C10orf90: variants seen among roughly 807,000 people sequenced by gnomAD.
The protein encoded by C10orf90 is (E2-independent) E3 ubiquitin-conjugating enzyme FATS.
A neutral mutation model predicts 62.5 loss-of-function variants in C10orf90; 56 were observed. The ratio of observed to expected loss-of-function variants is 0.90; its 90% CI spans 0.72 to 1.12. C10orf90 has a LOEUF of 1.12. Ranked by LOEUF, C10orf90 falls within the 50% of genes most tolerant of loss-of-function variation. C10orf90 has a pLI of 0.00. For synonymous variants in C10orf90, 386 were observed against 340.4 expected, an observed-to-expected ratio of 1.13 and a Z score of -1.47; for missense variants, 970 against 880.4, an observed-to-expected ratio of 1.10 and a Z score of -1.29.
At chr10:126,622,403 G>T (rs1845663441) in intron 2 of C10orf90, among the ~76,000 whole-genome samples, 1 of 152,086 alleles carries the variant, frequency 6.6e-6, no homozygotes, top group Admixed American at 6.6e-5. Context: ...CAGGTTCCAA[G>T]CCCAGGTACT....
intron 2 of C10orf90, among the ~76,000 whole-genome samples, chr10:126,587,724 A>T (rs1386093559): frequency 6.6e-6 from 1 of 152,244 alleles, no homozygotes; most frequent in Non-Finnish European, 1.5e-5. Flanking sequence ...TTTTGTAGAC[A>T]CTTATTAAAC....
At chr10:126,471,302 G>A (rs931087919) in intron 4 of C10orf90, among the ~76,000 whole-genome samples, 7 of 152,200 alleles carry the variant, frequency 4.6e-5, no homozygotes, top group Admixed American at 6.5e-5. Flanking sequence ...CATGGAGGGG[G>A]CCTTTCCTCG....
intron 4 of C10orf90, chr10:126,496,643 C>CT: frequency 7.1e-6 from 7 of 985,378 alleles, no homozygotes; most frequent in Non-Finnish European, 8.4e-6. Context: ...TTTAACTTTA[C>CT]TTTTCACAAC....
intron 2 of C10orf90, among the ~76,000 whole-genome samples, chr10:126,526,667 C>A (rs948019020): frequency 6.6e-6 from 1 of 152,154 alleles, no homozygotes; most frequent in Non-Finnish European, 1.5e-5. Context: ...TCACCAAATT[C>A]CAGAACATTT....
intron 1 of C10orf90, among the ~76,000 whole-genome samples, chr10:126,667,791 G>T (rs989243980): frequency 1.3e-5 from 2 of 152,146 alleles, no homozygotes; most frequent in Non-Finnish European, 2.9e-5. Flanking sequence ...TGGCTACATT[G>T]ATGTCTGAAA....
intron 2 of C10orf90, among the ~76,000 whole-genome samples, chr10:126,639,446 G>A (rs1215263821): frequency 6.6e-6 from 1 of 152,056 alleles, no homozygotes; most frequent in African/African-American, 2.4e-5. Flanking sequence ...TCAGGATACC[G>A]ATGCCCAAAG....
At chr10:126,610,414 C>T (rs1014581340) in intron 2 of C10orf90, among the ~76,000 whole-genome samples, 25 of 152,320 alleles carry the variant, frequency 1.6e-4, no homozygotes, top group African/African-American at 6.0e-4. Flanking sequence ...TTTTCCCTGC[C>T]CACATCTCAT....
rs562484490 is a variant in C10orf90, at chr10:126,563,219, C to A, written c.314-49280G>T. 1.3e-4 allele frequency among the ~76,000 whole-genome samples: 20 copies of A among 152,324 alleles called. No individual in the cohort carries two copies. The South Asian group carries it at 3.5e-3, about 27-fold the overall frequency. On this transcript the variant is annotated intron_variant, in intron 2 of 9. Transcript: ENST00000488181. The stretch of plus-strand genomic sequence containing the variant: ...CCAAGAGGGGAGTTCATTGGCACTG[C>A]AGTAGCGTGGGGCTAAAGAGGGGCC...
intron 2 of C10orf90, among the ~76,000 whole-genome samples, chr10:126,635,038 C>T (rs1186887890): frequency 6.6e-6 from 1 of 152,210 alleles, no homozygotes; most frequent in Non-Finnish European, 1.5e-5. Flanking sequence ...CCAACCGCCT[C>T]AGGCTGCCTG....
At chr10:126,439,196 A>G (rs1858137202) in intron 7 of C10orf90, among the ~76,000 whole-genome samples, 1 of 152,174 alleles carries the variant, frequency 6.6e-6, no homozygotes, top group African/African-American at 2.4e-5. Context: ...GCCACTGAGG[A>G]CGTCTGCAAT....
chr10:126,583,791 T>G (rs895352712), intron 2 of C10orf90, among the ~76,000 whole-genome samples: 3 of 152,192 alleles, frequency 2.0e-5, no homozygotes, highest in African/African-American at 7.2e-5. Context: ...CCAAATGGCC[T>G]AGCTGAAATG....
At chr10:126,589,198 T>C (rs541559689) in intron 2 of C10orf90, among the ~76,000 whole-genome samples, 74 of 152,220 alleles carry the variant, frequency 4.9e-4, no homozygotes, top group African/African-American at 1.8e-3. Flanking sequence ...CTGAGAAATA[T>C]GGGATTATGT....
intron 7 of C10orf90, among the ~76,000 whole-genome samples, chr10:126,458,789 G>A (rs934330927): frequency 6.6e-6 from 1 of 152,186 alleles, no homozygotes; most frequent in African/African-American, 2.4e-5. Flanking sequence ...TGTGGCTTCT[G>A]TCCCAGCTGT....
At chr10:126,573,612 C>G (rs1190681595) in intron 2 of C10orf90, among the ~76,000 whole-genome samples, 1 of 152,168 alleles carries the variant, frequency 6.6e-6, no homozygotes, top group Non-Finnish European at 1.5e-5. Flanking sequence ...GGGCCTTCCA[C>G]AGCCCCCACA....
chr10:126,574,406 T>C (rs1844569607), intron 2 of C10orf90, among the ~76,000 whole-genome samples: 1 of 152,120 alleles, frequency 6.6e-6, no homozygotes, highest in Admixed American at 6.6e-5. Context: ...CATGAAAATA[T>C]GTTTGACCTC....
At chr10:126,617,940 C>T (rs138794865) in intron 2 of C10orf90, among the ~76,000 whole-genome samples, 29 of 152,244 alleles carry the variant, frequency 1.9e-4, no homozygotes, top group African/African-American at 2.6e-4. Context: ...CAATTTTTAT[C>T]GGGAGCTGGC....
chr10:126,598,682 G>A (rs1195692287), intron 2 of C10orf90, among the ~76,000 whole-genome samples: 1 of 152,170 alleles, frequency 6.6e-6, no homozygotes, highest in African/African-American at 2.4e-5. Flanking sequence ...TAGGAAGGAA[G>A]CAATCATCAA....
chr10:126,440,490 G>A (rs1858234985), intron 7 of C10orf90, among the ~76,000 whole-genome samples: 1 of 152,112 alleles, frequency 6.6e-6, no homozygotes, highest in African/African-American at 2.4e-5. Context: ...TATATTCTTG[G>A]GAGTTCTAGG....
intron 2 of C10orf90, among the ~76,000 whole-genome samples, chr10:126,600,545 C>T (rs1175055184): frequency 6.6e-6 from 1 of 152,164 alleles, no homozygotes; most frequent in Non-Finnish European, 1.5e-5. Flanking sequence ...AGTCAGGAGA[C>T]ACCAAGCAGG....
Sources: allele counts gnomAD v4.1 joint callset (sites outside exome capture counted in the v4.1 genomes callset), GRCh38; gene constraint gnomAD v4.1.1; transcripts MANE v1.5; gene names NCBI Gene and HGNC (gene_info 2026-07-23, HGNC 2026-07-21).